Variants in VENTX observed in about 807,000 individuals in gnomAD.
The protein encoded by VENTX is VENT homeobox, also known as homeobox protein VENTX.
In VENTX, 13 loss-of-function variants were observed where a neutral mutation model predicts 10.5. The ratio of observed to expected loss-of-function variants is 1.23; its 90% CI spans 0.80 to 1.96. VENTX has a LOEUF of 1.96. Ranked by LOEUF, VENTX falls within the 30% of genes most tolerant of loss-of-function variation. VENTX has a pLI of 0.00. For synonymous variants in VENTX, 177 were observed against 150.4 expected (o/e 1.18, Z -1.29); for missense variants, 400 against 341.8 (o/e 1.17, Z -1.34).
At position 133,240,041 on chromosome 10, in the gene VENTX, C is replaced by G; in HGVS notation, c.512C>G (p.Ser171Ter). 6.2e-7 allele frequency: 1 copy of G among 1,611,982 alleles called. No individual in the cohort carries two copies. The highest frequency in any genetic ancestry group is 8.5e-7 in the Non-Finnish European group (1 of 1,180,030). ...CTCCATGCGCCCCCAGCTTTCTACT[C>G]AACGTCTTCTGGCCTTGCCAATGGC... is the stretch of plus-strand genomic sequence containing the variant. ...GSLHAPPAFY[S>*]TSSGLANGLQ... The change falls in exon 3 of 3, where the codon TCA (serine) becomes TGA (stop). Residue 171 changes from serine to a stop codon, truncating the protein, a stop_gained. Transcript: ENST00000325980. LOFTEE classifies it low-confidence loss of function (END_TRUNC).
rs539942115 is a variant in VENTX at position 133,240,968 on chromosome 10, C to T, written c.*662C>T. 27 of 152,082 alleles carry T rather than the reference C, an allele frequency of 1.8e-4. No homozygotes were observed. Among genetic ancestry groups the T allele is most frequent in the African/African-American group, 5.1e-4 (21 of 41,400 alleles). 9.4% of individuals were successfully genotyped at this position (152,082 alleles called of 1,614,324 possible). ...GTGGGCTTGTCATGGGTAGGGCTTT[C>T]GGCGTACGATAAAAGGATCATTTGT... On this transcript the variant is annotated 3_prime_UTR_variant, in exon 3 of 3. Coordinates refer to ENST00000325980, the MANE Select transcript of VENTX (RefSeq NM_014468.4).
intron 1 of VENTX, 85 bp downstream of exon 1, chr10:133,238,240 C>G: frequency 1.4e-6 from 2 of 1,452,384 alleles, no homozygotes; most frequent in Non-Finnish European, 1.8e-6. Context: ...CTGCACTCCC[C>G]GCGGTGCCCT....
In VENTX at chr10:133,241,352, G is replaced by C. The variant is rs9418954; in HGVS notation, c.*1046G>C. On this transcript the variant is annotated 3_prime_UTR_variant, in exon 3 of 3. Transcript: ENST00000325980. ...CCAACACGTGCTCACCTGTCCCCCT[G>C]CTCGCAGCAGCCTCGGGACAAAACA... 150,513 of 152,964 alleles carry C rather than the reference G, an allele frequency of 0.98. 74,058 individuals are homozygous for C. Among genetic ancestry groups the C allele is most frequent in the East Asian group, 1 (5,186 of 5,186 alleles). 9.5% of individuals were successfully genotyped at this position (152,964 alleles called of 1,614,324 possible).
Position 133,239,985 on chromosome 10 carries a change from C to T in VENTX, c.456C>T (p.Asp152=), listed in dbSNP as rs772872288. ...RRMKHKRQMQ[D]PQLHSPFSGS... is the part of the protein sequence containing the mutation. ...TGAAACACAAACGGCAAATGCAGGA[C>T]CCCCAGCTGCACAGCCCCTTCTCGG... The change falls in exon 3 of 3, where the codon GAC becomes GAT. Residue 152 remains aspartate, a synonymous_variant. Transcript: ENST00000325980. The T allele has an allele frequency of 1.6e-5, 26 of 1,612,134 alleles. No individual in the cohort carries two copies. Among genetic ancestry groups the T allele is most frequent in the Middle Eastern group, 1.9e-4 (1 of 5,202 alleles).
rs1463184516 is a variant in VENTX at position 133,241,573 on chromosome 10, T to G, written c.*1267T>G. 1.3e-5 allele frequency: 2 copies of G among 152,148 alleles called. No homozygotes were observed. The highest frequency in any genetic ancestry group is 2.9e-5 in the Non-Finnish European group (2 of 68,032). 9.4% of individuals were successfully genotyped at this position (152,148 alleles called of 1,614,324 possible). ...TGCCCAGGAGGCAGGCAGTGCGGGG[T>G]GCCCAGGCAGACGGGTTCAGCCTGC... On this transcript the variant is annotated 3_prime_UTR_variant, in exon 3 of 3. Transcript: ENST00000325980.
chr10:133,240,912 G>A lies in VENTX; in HGVS notation c.*606G>A, dbSNP rs1043279084. On this transcript the variant is annotated 3_prime_UTR_variant, in exon 3 of 3. Transcript: ENST00000325980. Reference sequence around the variant, plus strand: ...GAAAGAGTCGGTTTAGGAAGGAAACGAAGGGTCAGTGAACAGAGTCAAATG... The same window carrying A: ...GAAAGAGTCGGTTTAGGAAGGAAACAAAGGGTCAGTGAACAGAGTCAAATG... 5.9e-5 allele frequency: 9 copies of A among 152,264 alleles called. No individual in the cohort carries two copies. Among genetic ancestry groups the A allele is most frequent in the Non-Finnish European group, 8.8e-5 (6 of 68,032 alleles). The allele number at this position is 152,264 out of a possible 1,614,324, so 9.4% of individuals were successfully genotyped here. A position where few individuals can be genotyped will look rare whatever the true frequency, so the allele number is the denominator to read the frequency against.
chr10:133,238,473 T>C (rs1564909558), intron 1 of VENTX, among the ~76,000 whole-genome samples: 1 of 152,076 alleles, frequency 6.6e-6, no homozygotes, highest in Non-Finnish European at 1.5e-5. Flanking sequence ...GGGGTCCCCG[T>C]CCGCACCTCC....
chr10:133,238,241 G>C, intron 1 of VENTX, 86 bp downstream of exon 1: 1 of 1,449,096 alleles, frequency 6.9e-7, no homozygotes, highest in South Asian at 1.5e-5. Flanking sequence ...TGCACTCCCC[G>C]CGGTGCCCTG....
chr10:133,241,778 C>T lies in VENTX; in HGVS notation c.*1472C>T, dbSNP rs1042697708. 2.6e-5 allele frequency: 4 copies of T among 152,270 alleles called. No homozygotes were observed. The highest frequency in any genetic ancestry group is 4.4e-5 in the Non-Finnish European group (3 of 68,060). 9.4% of individuals were successfully genotyped at this position (152,270 alleles called of 1,614,324 possible). On this transcript the variant is annotated 3_prime_UTR_variant, in exon 3 of 3. Transcript: ENST00000325980. ...TAAGAGGGGAACAGCTGCTGTACATCGTCCTGGCGAGTGACAATGTGACAG... is the reference window on the plus strand; with the variant it reads ...TAAGAGGGGAACAGCTGCTGTACATTGTCCTGGCGAGTGACAATGTGACAG...
At chr10:133,238,536 C>T (rs28536783) in intron 1 of VENTX, among the ~76,000 whole-genome samples, 2 of 151,976 alleles carry the variant, frequency 1.3e-5, no homozygotes, top group Non-Finnish European at 1.5e-5. Context: ...CCAAGCCCCC[C>T]GCCCCCGCCC....
rs1196022419 is a variant in VENTX at position 133,241,442 on chromosome 10, C to T, written c.*1136C>T. On this transcript the variant is annotated 3_prime_UTR_variant, in exon 3 of 3. Transcript: ENST00000325980. ...TGCCCAGAATGGGAGGCACGGAAGC[C>T]CCTCCCGGGGAGGACTCCCGCGTTG... 6.6e-6 allele frequency: 1 copy of T among 152,284 alleles called. No homozygotes were observed. Among genetic ancestry groups the T allele is most frequent in the African/African-American group, 2.4e-5 (1 of 41,468 alleles). The allele number at this position is 152,284 out of a possible 1,614,324, so 9.4% of individuals were successfully genotyped here.
chr10:133,238,929 A>C (rs1488870528), intron 1 of VENTX, among the ~76,000 whole-genome samples: 1 of 152,094 alleles, frequency 6.6e-6, no homozygotes, highest in African/African-American at 2.4e-5. Context: ...GCCCCACCCC[A>C]AAAAAGCCAG....
rs765855559 is a variant in VENTX at position 133,238,170 on chromosome 10, G to C, written c.241+15G>C. On this transcript the variant is annotated intron_variant, in intron 1 of 2. Coordinates refer to ENST00000325980, the MANE Select transcript of VENTX (RefSeq NM_014468.4). ...GACCATGGCCGGTAGGTCCGGGTGGGGGGGGTCCCTTCCTTCCCAGGTGGA... is the reference window on the plus strand; with the variant it reads ...GACCATGGCCGGTAGGTCCGGGTGGCGGGGGTCCCTTCCTTCCCAGGTGGA... 3 of 1,575,272 alleles carry C rather than the reference G, an allele frequency of 1.9e-6. No individual in the cohort carries two copies. Among genetic ancestry groups the C allele is most frequent in the Non-Finnish European group, 2.6e-6 (3 of 1,159,090 alleles).
chr10:133,238,594 G>A (rs4314980), intron 1 of VENTX, among the ~76,000 whole-genome samples: 6,786 of 149,758 alleles, frequency 0.045, 448 homozygotes, highest in African/African-American at 0.14. Context: ...AGCCCATTCC[G>A]GGTCACCTGG....
intron 1 of VENTX, 55 bp from the exon 2 acceptor site, chr10:133,239,621 G>T (rs1056092600): frequency 1.9e-6 from 3 of 1,598,578 alleles, no homozygotes; most frequent in Non-Finnish European, 2.6e-6. Context: ...CCGTGGGCAC[G>T]AGCTTGCCCC....
chr10:133,241,051 C>T lies in VENTX; in HGVS notation c.*745C>T, dbSNP rs1160733338. 1 of 152,206 alleles carries T rather than the reference C, an allele frequency of 6.6e-6. No individual in the cohort carries two copies. Among genetic ancestry groups the T allele is most frequent in the East Asian group, 1.9e-4 (1 of 5,202 alleles). 9.4% of individuals were successfully genotyped at this position (152,206 alleles called of 1,614,324 possible). A position where few individuals can be genotyped will look rare whatever the true frequency, so the allele number is the denominator to read the frequency against. On this transcript the variant is annotated 3_prime_UTR_variant, in exon 3 of 3. Coordinates refer to ENST00000325980, the MANE Select transcript of VENTX (RefSeq NM_014468.4). ...AGTTGGAAACAGTAAAGGTTGTAAG[C>T]TTTGTGTGTACAAAAGAAAACAGGG...
At position 133,239,687 on chromosome 10, in the gene VENTX, G is replaced by A; in HGVS notation, c.253G>A (p.Glu85Lys). ...PERTMAGLSKEPNTLRAPRVR... is the reference protein window; with the variant it reads ...PERTMAGLSKKPNTLRAPRVR... ...ACCCTCTATGTCAGGGTTGAGTAAG[G>A]AGCCAAATACCTTGCGGGCCCCCCG... The change falls in exon 2 of 3, where the codon GAG becomes AAG. Residue 85 changes from glutamate to lysine, a missense_variant. Transcript: ENST00000325980. The A allele has an allele frequency of 6.8e-6, 11 of 1,611,098 alleles. No homozygotes were observed. The highest frequency in any genetic ancestry group is 9.3e-6 in the Non-Finnish European group (11 of 1,180,018).
chr10:133,239,898 T>G (rs1251549414), intron 2 of VENTX, 34 bp from the exon 3 acceptor site: 1 of 1,608,916 alleles, frequency 6.2e-7, no homozygotes, highest in Non-Finnish European at 8.5e-7. Context: ...GGTGGCCTAG[T>G]CTCACCCCTG....
Position 133,241,653 on chromosome 10 carries a change from G to T in VENTX, c.*1347G>T, listed in dbSNP as rs780387295. ...CGGGCACCCCAACAGGAACAGAAGC[G>T]TGGTCCTGCGGCTGCGTCCCCAGCG... On this transcript the variant is annotated 3_prime_UTR_variant, in exon 3 of 3. Transcript: ENST00000325980. 2 of 152,266 alleles carry T rather than the reference G, an allele frequency of 1.3e-5. No individual in the cohort carries two copies. Among genetic ancestry groups the T allele is most frequent in the African/African-American group, 4.8e-5 (2 of 41,452 alleles). 9.4% of individuals were successfully genotyped at this position (152,266 alleles called of 1,614,324 possible). A position where few individuals can be genotyped will look rare whatever the true frequency, so the allele number is the denominator to read the frequency against.
Sources: allele counts gnomAD v4.1 joint callset (sites outside exome capture counted in the v4.1 genomes callset), GRCh38; gene constraint gnomAD v4.1.1; transcripts MANE v1.5; gene names NCBI Gene and HGNC (gene_info 2026-07-23, HGNC 2026-07-21).